TRDN: variants seen among roughly 807,000 people sequenced by gnomAD.
TRDN encodes the protein triadin in skeletal muscle.
In TRDN, 161 loss-of-function variants were observed where a neutral mutation model predicts 149.7. That is an observed-to-expected ratio of 1.08 (90% CI 0.95 to 1.23). TRDN has a LOEUF of 1.23. Ranked by LOEUF, TRDN falls within the 50% of genes most tolerant of loss-of-function variation. The probability of loss-of-function intolerance (pLI) is 0.00; values close to 1 mark genes in which losing one functional copy is unlikely to be tolerated. For synonymous variants in TRDN, 294 were observed against 250.5 expected, an observed-to-expected ratio of 1.17 and a Z score of -1.64; for missense variants, 896 against 823.5, an observed-to-expected ratio of 1.09 and a Z score of -1.08.
chr6:123,578,331 A>G (rs1434780630), intron 1 of TRDN, among the ~76,000 whole-genome samples: 3 of 152,180 alleles, frequency 2.0e-5, no homozygotes, highest in Non-Finnish European at 1.5e-5. Flanking sequence ...GAAGTTGTCC[A>G]GTTTCAATCT....
intron 9 of TRDN, among the ~76,000 whole-genome samples, chr6:123,473,584 A>G (rs1425384944): frequency 6.6e-6 from 1 of 151,924 alleles, no homozygotes; most frequent in Non-Finnish European, 1.5e-5. Context: ...GATTCAGGAA[A>G]TACAGAGAAG....
chr6:123,364,669 A>G (rs768130525), intron 20 of TRDN, among the ~76,000 whole-genome samples: 11 of 152,160 alleles, frequency 7.2e-5, no homozygotes, highest in Non-Finnish European at 1.2e-4. Context: ...TAATAAAAAT[A>G]AAATCTCACT....
chr6:123,555,563 A>G (rs571649946), intron 2 of TRDN, among the ~76,000 whole-genome samples: 1 of 152,094 alleles, frequency 6.6e-6, no homozygotes, highest in Non-Finnish European at 1.5e-5. Context: ...ATATTTGTAT[A>G]TATTGCTTCA....
intron 1 of TRDN, among the ~76,000 whole-genome samples, chr6:123,601,963 A>T (rs1178955676): frequency 6.6e-6 from 1 of 152,088 alleles, no homozygotes; most frequent in Non-Finnish European, 1.5e-5. Context: ...TGGTATCAAG[A>T]CTAGAACTCA....
At chr6:123,349,864 A>G in intron 21 of TRDN, 1 of 985,422 alleles carries the variant, frequency 1.0e-6, no homozygotes, top group Non-Finnish European at 1.2e-6. Flanking sequence ...ATAGATTTAC[A>G]AAGCTTGCAA....
At chr6:123,593,247 C>G (rs1287241182) in intron 1 of TRDN, among the ~76,000 whole-genome samples, 5 of 152,176 alleles carry the variant, frequency 3.3e-5, no homozygotes, top group African/African-American at 4.8e-5. Context: ...ATCACACAAG[C>G]CAGATTTCTG....
chr6:123,473,761 C>G (rs1583104486), intron 9 of TRDN, among the ~76,000 whole-genome samples: 1 of 152,058 alleles, frequency 6.6e-6, no homozygotes, highest in Non-Finnish European at 1.5e-5. Context: ...AGAAACCCTA[C>G]AAGCCAGAAG....
intron 24 of TRDN, among the ~76,000 whole-genome samples, chr6:123,303,768 G>A (rs976717545): frequency 6.6e-6 from 1 of 152,148 alleles, no homozygotes; most frequent in African/African-American, 2.4e-5. Context: ...GACAATGAAT[G>A]ACAGTAACCT....
At chr6:123,599,592 A>G (rs969606797) in intron 1 of TRDN, among the ~76,000 whole-genome samples, 19 of 149,062 alleles carry the variant, frequency 1.3e-4, no homozygotes, top group Non-Finnish European at 2.1e-4. Context: ...ATTTGGTGCT[A>G]TTTTTTTTTT....
chr6:123,516,835 C>G (rs568093454), intron 5 of TRDN, among the ~76,000 whole-genome samples: 30 of 152,146 alleles, frequency 2.0e-4, no homozygotes, highest in African/African-American at 7.0e-4. Flanking sequence ...ATTATCCATG[C>G]TAGAAACATG....
At chr6:123,411,166 C>T (rs1243820461) in intron 12 of TRDN, among the ~76,000 whole-genome samples, 1 of 151,588 alleles carries the variant, frequency 6.6e-6, no homozygotes, top group Admixed American at 6.6e-5. Context: ...CCAACCTCAG[C>T]CTCACGAGTA....
At chr6:123,220,660 C>T (rs1775113669) in intron 40 of TRDN, among the ~76,000 whole-genome samples, 4 of 151,696 alleles carry the variant, frequency 2.6e-5, no homozygotes, top group Non-Finnish European at 5.9e-5. Context: ...TAATGAATCA[C>T]CTATTAATAC....
intron 1 of TRDN, among the ~76,000 whole-genome samples, chr6:123,596,845 C>A (rs2114636304): frequency 6.6e-6 from 1 of 152,114 alleles, no homozygotes; most frequent in South Asian, 2.1e-4. Context: ...GTATATATTT[C>A]TTTCAAAATA....
intron 1 of TRDN, among the ~76,000 whole-genome samples, chr6:123,584,148 G>A (rs1783288784): frequency 6.6e-6 from 1 of 152,166 alleles, no homozygotes; most frequent in African/African-American, 2.4e-5. Flanking sequence ...GAGGTCGGGT[G>A]TGGTATCAGG....
intron 13 of TRDN, among the ~76,000 whole-genome samples, chr6:123,390,837 G>C (rs151248040): frequency 1.4e-3 from 215 of 152,156 alleles, no homozygotes; most frequent in African/African-American, 3.7e-3. Flanking sequence ...GACTGGAATG[G>C]CTAACATTCT....
intron 1 of TRDN, among the ~76,000 whole-genome samples, chr6:123,580,474 A>T (rs1783068829): frequency 6.6e-6 from 1 of 152,180 alleles, no homozygotes; most frequent in Non-Finnish European, 1.5e-5. Flanking sequence ...CAGATTATAG[A>T]TTAACTCACC....
chr6:123,277,840 A>G (rs995315806), intron 26 of TRDN, among the ~76,000 whole-genome samples: 1 of 152,154 alleles, frequency 6.6e-6, no homozygotes, highest in African/African-American at 2.4e-5. Context: ...GAATTTTACT[A>G]CAGTAGCCCT....
chr6:123,337,535 A>G lies in TRDN; in HGVS notation c.1420+84T>C, dbSNP rs12216080. On this transcript the variant is annotated intron_variant, in intron 22 of 40. Transcript: ENST00000334268. ...GCAGTTCTGGTTTACATATTTGCAAAGGGGATGCAGCTAATGTACTGTGTT... is the reference window on the plus strand; with the variant it reads ...GCAGTTCTGGTTTACATATTTGCAAGGGGGATGCAGCTAATGTACTGTGTT... 221,763 of 534,482 alleles carry G rather than the reference A, an allele frequency of 0.41. 48,811 individuals carry two copies. The highest frequency in any genetic ancestry group is 0.48 in the Admixed American group (10,809 of 22,750). The allele number at this position is 534,482 out of a possible 1,614,324, so 33.1% of individuals were successfully genotyped here. A position where few individuals can be genotyped will look rare whatever the true frequency, so the allele number is the denominator to read the frequency against.
intron 10 of TRDN, among the ~76,000 whole-genome samples, chr6:123,443,837 C>T (rs1351908102): frequency 1.1e-4 from 16 of 150,292 alleles, no homozygotes; most frequent in Admixed American, 2.0e-4. Flanking sequence ...TATAGATATG[C>T]GGCGTTATTT....
Sources: gnomAD v4.1 joint callset for allele counts (sites outside exome capture counted in the v4.1 genomes callset) on GRCh38, gnomAD v4.1.1 for gene constraint, MANE v1.5 for transcripts, NCBI Gene and HGNC (gene_info 2026-07-23, HGNC 2026-07-21) for gene names.